Variants in ST8SIA6 observed in about 807,000 individuals in gnomAD.
The protein encoded by ST8SIA6 is alpha-2,8-sialyltransferase 8F.
Under a neutral mutation model 33.6 loss-of-function variants are expected in ST8SIA6, and 39 were observed. That is an observed-to-expected ratio of 1.16 (90% confidence interval 0.90 to 1.52). ST8SIA6 has a LOEUF of 1.52. Among genes scored for constraint, ST8SIA6 ranks in the 40% most tolerant of loss-of-function variants. The probability of loss-of-function intolerance (pLI) is 0.00; values close to 1 mark genes in which losing one functional copy is unlikely to be tolerated. For synonymous variants in ST8SIA6, 172 were observed against 167.2 expected, an observed-to-expected ratio of 1.03 and a Z score of -0.22; for missense variants, 441 against 443.8, an observed-to-expected ratio of 0.99 and a Z score of 0.06.
At chr10:17,323,041 G>A (rs1446990021) in intron 7 of ST8SIA6, 24 bp downstream of exon 7, 1 of 1,588,160 alleles carries the variant, frequency 6.3e-7, no homozygotes, top group South Asian at 1.1e-5. Context: ...TTCCTGATCA[G>A]TTATGTAACT....
chr10:17,406,313 T>G (rs1386478104), intron 2 of ST8SIA6, among the ~76,000 whole-genome samples: 1 of 152,188 alleles, frequency 6.6e-6, no homozygotes, highest in East Asian at 1.9e-4. Context: ...GCCAGGAGAT[T>G]CTGCCAGTGG....
chr10:17,430,201 T>C (rs1165246553), intron 2 of ST8SIA6, among the ~76,000 whole-genome samples: 3 of 152,194 alleles, frequency 2.0e-5, no homozygotes, highest in Non-Finnish European at 4.4e-5. Flanking sequence ...GGCCGCCAGC[T>C]CCATCCAGGT....
chr10:17,316,913 T>C lies in ST8SIA6; in HGVS notation c.*3965A>G, dbSNP rs939680519. The stretch of plus-strand genomic sequence containing the variant: ...CAGTCTGTCCCCAGCCTATTAACTT[T>C]AAGGTGTCATTCACTGACTAGAACT... On this transcript the variant is annotated 3_prime_UTR_variant, in exon 8 of 8. Transcript: ENST00000377602. Among the ~76,000 whole-genome samples the C allele has an allele frequency of 6.6e-5, 10 of 152,150 alleles. No homozygotes were observed. The highest frequency in any genetic ancestry group is 3.4e-3 in the Middle Eastern group (1 of 294).
intron 2 of ST8SIA6, among the ~76,000 whole-genome samples, chr10:17,413,677 C>T (rs1851520897): frequency 6.6e-6 from 1 of 152,098 alleles, no homozygotes; most frequent in South Asian, 2.1e-4. Context: ...GCAGAATAAA[C>T]AATTTTGATA....
At chr10:17,439,339 G>T (rs555143733) in intron 2 of ST8SIA6, among the ~76,000 whole-genome samples, 1 of 149,636 alleles carries the variant, frequency 6.7e-6, no homozygotes, top group Admixed American at 6.7e-5. Context: ...GAGTGCAGTG[G>T]TGCAATCTTG....
chr10:17,443,734 A>C (rs566319777), intron 2 of ST8SIA6, among the ~76,000 whole-genome samples: 4 of 152,180 alleles, frequency 2.6e-5, no homozygotes, highest in Non-Finnish European at 4.4e-5. Flanking sequence ...TAAACTCCTA[A>C]GTGTATGTAG....
At chr10:17,402,766 G>C (rs1851097723) in intron 2 of ST8SIA6, among the ~76,000 whole-genome samples, 1 of 151,988 alleles carries the variant, frequency 6.6e-6, no homozygotes, top group African/African-American at 2.4e-5. Flanking sequence ...ACACACCGGG[G>C]CTTGTTGTTG....
intron 3 of ST8SIA6, among the ~76,000 whole-genome samples, chr10:17,377,167 T>C (rs909215233): frequency 6.6e-6 from 1 of 152,130 alleles, no homozygotes; most frequent in African/African-American, 2.4e-5. Context: ...TCCTGGACAG[T>C]GAATCTCAGG....
At chr10:17,385,095 T>C (rs1850286194) in intron 3 of ST8SIA6, among the ~76,000 whole-genome samples, 1 of 152,336 alleles carries the variant, frequency 6.6e-6, no homozygotes, top group South Asian at 2.1e-4. Flanking sequence ...GGAAAATATC[T>C]TGGGCCTCCA....
Position 17,368,407 on chromosome 10 carries a change from C to CAAAAAAAAAAAAAAAAAAAAA in ST8SIA6, c.291-8828_291-8808dup, listed in dbSNP as rs200826980. On this transcript the variant is annotated intron_variant, in intron 3 of 7. Coordinates refer to ENST00000377602, the MANE Select transcript of ST8SIA6 (RefSeq NM_001004470.3). ...GGGCAACAAGAGTGAAGCTCTGTCTCAAAAAAAAAAAAAAAAAAAAAAAAA... is the reference window on the plus strand; with the variant it reads ...GGGCAACAAGAGTGAAGCTCTGTCTCAAAAAAAAAAAAAAAAAAAAAAAAAAAAAAAAAAAAAAAAAAAAAA... Among the ~76,000 whole-genome samples, 26 of 72,190 alleles carry CAAAAAAAAAAAAAAAAAAAAA rather than the reference C, an allele frequency of 3.6e-4. 2 individuals are homozygous for CAAAAAAAAAAAAAAAAAAAAA. Among genetic ancestry groups the CAAAAAAAAAAAAAAAAAAAAA allele is most frequent in the Non-Finnish European group, 5.9e-4 (20 of 33,946 alleles). The allele number at this position is 72,190 out of a possible 152,430, so 47.4% of individuals were successfully genotyped here. A position where few individuals can be genotyped will look rare whatever the true frequency, so the allele number is the denominator to read the frequency against.
chr10:17,452,241 AG>A (rs1219890887), intron 2 of ST8SIA6, among the ~76,000 whole-genome samples: 1 of 152,144 alleles, frequency 6.6e-6, no homozygotes, highest in Non-Finnish European at 1.5e-5. Flanking sequence ...AATTCCAATG[AG>A]GGGGTGGCAG....
chr10:17,399,257 A>G (rs1015840756), intron 2 of ST8SIA6: 1 of 152,206 alleles, frequency 6.6e-6, no homozygotes, highest in Non-Finnish European at 1.5e-5. Flanking sequence ...GCCTTGAAGC[A>G]AACAGCCTGG....
In ST8SIA6 at chr10:17,315,964, CAT is replaced by C. The variant is rs907260981; in HGVS notation, c.*4912_*4913del. Among the ~76,000 whole-genome samples, 5 of 152,006 alleles carry C rather than the reference CAT, an allele frequency of 3.3e-5. No individual in the cohort carries two copies. The highest frequency in any genetic ancestry group is 2.1e-4 in the South Asian group (1 of 4,812). Reference sequence around the variant, plus strand: ...AAATAATATTGGCTTTAGAGTCAGACATATGAGTTGAATACTAGCTCTGCTCT... The same window carrying C: ...AAATAATATTGGCTTTAGAGTCAGACATGAGTTGAATACTAGCTCTGCTCT... On this transcript the variant is annotated 3_prime_UTR_variant, in exon 8 of 8. Transcript: ENST00000377602.
At chr10:17,404,826 A>C (rs1027297021) in intron 2 of ST8SIA6, among the ~76,000 whole-genome samples, 1 of 152,194 alleles carries the variant, frequency 6.6e-6, no homozygotes, top group Non-Finnish European at 1.5e-5. Context: ...AATAGTCCTG[A>C]ATAAATTCTG....
intron 4 of ST8SIA6, among the ~76,000 whole-genome samples, chr10:17,350,814 G>A (rs548028326): frequency 2.0e-5 from 3 of 152,270 alleles, no homozygotes; most frequent in East Asian, 1.9e-4. Flanking sequence ...TACGGCCATT[G>A]ATAGTTATCC....
intron 4 of ST8SIA6, among the ~76,000 whole-genome samples, chr10:17,358,044 C>T (rs147439811): frequency 3.9e-5 from 6 of 152,272 alleles, no homozygotes; most frequent in East Asian, 3.9e-4. Context: ...TGGCATAAAA[C>T]GTCCTGGAAA....
At chr10:17,361,821 G>T (rs1849401810) in intron 3 of ST8SIA6, among the ~76,000 whole-genome samples, 1 of 151,700 alleles carries the variant, frequency 6.6e-6, no homozygotes, top group African/African-American at 2.4e-5. Context: ...AAAGGATAAA[G>T]CACTGTGACC....
intron 3 of ST8SIA6, among the ~76,000 whole-genome samples, chr10:17,362,962 G>A (rs1339415883): frequency 1.3e-5 from 2 of 152,000 alleles, no homozygotes; most frequent in African/African-American, 2.4e-5. Context: ...TACCCACCTC[G>A]GCCTCCCAAA....
intron 2 of ST8SIA6, among the ~76,000 whole-genome samples, chr10:17,430,747 C>T (rs891264634): frequency 6.6e-6 from 1 of 152,248 alleles, no homozygotes; most frequent in Admixed American, 6.5e-5. Flanking sequence ...TTTTCTCTTG[C>T]TGATTTGTTT....
Sources: gnomAD v4.1 joint callset for allele counts (sites outside exome capture counted in the v4.1 genomes callset) on GRCh38, gnomAD v4.1.1 for gene constraint, MANE v1.5 for transcripts, NCBI Gene and HGNC (gene_info 2026-07-23, HGNC 2026-07-21) for gene names.